DOCK7: variants seen among roughly 807,000 people sequenced by gnomAD.
DOCK7 encodes dedicator of cytokinesis 7.
DOCK7 carries 138 observed loss-of-function variants against 271.0 expected under a neutral mutation model. That is an observed-to-expected ratio of 0.51 (90% CI 0.44 to 0.59). The LOEUF is 0.59. DOCK7 is among the 20% of genes least tolerant of loss of function. The probability of loss-of-function intolerance (pLI) is 0.00; values close to 1 mark genes in which losing one functional copy is unlikely to be tolerated. For synonymous variants in DOCK7, 823 were observed against 876.1 expected, an observed-to-expected ratio of 0.94 and a Z score of 1.07; for missense variants, 2,066 against 2,592.4, an observed-to-expected ratio of 0.80 and a Z score of 4.41.
chr1:62,517,334 C>T (rs1423965226), intron 31 of DOCK7, among the ~76,000 whole-genome samples: 6 of 151,660 alleles, frequency 4.0e-5, no homozygotes, highest in African/African-American at 1.4e-4. Flanking sequence ...CAGTGGCTCA[C>T]GCCTGTATCC....
chr1:62,492,047 C>A (rs1646481930), intron 41 of DOCK7, among the ~76,000 whole-genome samples: 1 of 151,910 alleles, frequency 6.6e-6, no homozygotes, highest in Admixed American at 6.6e-5. Context: ...CCCATCCCTA[C>A]AAAAAATACA....
intron 14 of DOCK7, chr1:62,604,765 T>TA (rs1314562249): frequency 6.2e-7 from 1 of 1,613,090 alleles, no homozygotes; most frequent in Admixed American, 1.7e-5. Context: ...TTATACTCTA[T>TA]AAAATCAACC....
At chr1:62,615,095 C>T (rs1010491967) in intron 14 of DOCK7, among the ~76,000 whole-genome samples, 1 of 151,766 alleles carries the variant, frequency 6.6e-6, no homozygotes, top group Non-Finnish European at 1.5e-5. Context: ...CACATATAGT[C>T]GTACCATTTC....
intron 31 of DOCK7, among the ~76,000 whole-genome samples, chr1:62,517,589 C>T (rs1644703527): frequency 6.6e-6 from 1 of 152,098 alleles, no homozygotes; most frequent in South Asian, 2.1e-4. Flanking sequence ...GAGTGAAACT[C>T]TGTCTCAAAA....
chr1:62,481,337 G>C (rs2149269331), intron 43 of DOCK7: 1 of 152,256 alleles, frequency 6.6e-6, no homozygotes. Flanking sequence ...GTGGAGGAGA[G>C]AGCATCAGGG....
At chr1:62,538,629 C>T (rs1042376363) in intron 27 of DOCK7, among the ~76,000 whole-genome samples, 4 of 152,144 alleles carry the variant, frequency 2.6e-5, no homozygotes, top group African/African-American at 9.7e-5. Context: ...TGATACATAT[C>T]GTGTTGCAAG....
intron 10 of DOCK7, among the ~76,000 whole-genome samples, chr1:62,633,288 A>G (rs1302917968): frequency 6.6e-6 from 1 of 152,206 alleles, no homozygotes; most frequent in Non-Finnish European, 1.5e-5. Context: ...AACATATGAC[A>G]CAGGCTAGGT....
intron 31 of DOCK7, among the ~76,000 whole-genome samples, chr1:62,516,028 GA>G (rs962119347): frequency 3.3e-5 from 5 of 149,498 alleles, no homozygotes; most frequent in African/African-American, 4.9e-5. Flanking sequence ...CTTCCTTGAG[GA>G]AAAAAAAAGC....
At position 62,555,836 on chromosome 1, in the gene DOCK7, G is replaced by A; in HGVS notation, c.2585C>T (p.Ser862Leu). ...AAAGAATAAAATACCTGGTGATGAT[G>A]AATTAGGGTAAGTATTTGGTAGGCG... ...VFRLPNTYPN[S>L]SSPGPGGLGG... Residue 862 changes from serine (S) to leucine (L), a missense_variant, in exon 21 of 50, where the codon TCA (serine) becomes TTA (leucine). Ser to Leu is a moderately radical substitution (Grantham distance 145, BLOSUM62 -2). Around this residue, in one of 2 missense-constraint regions of DOCK7, gnomAD observed 1,414 missense variants for 1,670.4 expected, o/e 0.85. Transcript: ENST00000635253. The A allele has an allele frequency of 6.2e-7, 1 of 1,610,694 alleles. No homozygotes were observed. Among genetic ancestry groups the A allele is most frequent in the Non-Finnish European group, 8.5e-7 (1 of 1,178,780 alleles).
chr1:62,597,495 A>C lies in DOCK7; in HGVS notation c.1683-10871T>G, dbSNP rs1266567664. ...TCTGGGCAAATATTGGTATATATAGAGTTAAGAAGTCTAGGTCTGCTTCCA... is the reference window on the plus strand; with the variant it reads ...TCTGGGCAAATATTGGTATATATAGCGTTAAGAAGTCTAGGTCTGCTTCCA... On this transcript the variant is annotated intron_variant, in intron 14 of 49. Coordinates refer to ENST00000635253, the MANE Select transcript of DOCK7 (RefSeq NM_001367561.1). The C allele has an allele frequency of 2.4e-5, 37 of 1,530,082 alleles. No homozygotes were observed. The South Asian group carries it at 4.3e-4, about 18-fold the overall frequency. The allele number at this position is 1,530,082 out of a possible 1,614,324, so 94.8% of individuals were successfully genotyped here.
rs1333785699 is a variant in DOCK7, at chr1:62,494,328, A to G, written c.5164T>C (p.Leu1722=). 6.2e-7 allele frequency: 1 copy of G among 1,609,250 alleles called. No homozygotes were observed. The highest frequency in any genetic ancestry group is 8.5e-7 in the Non-Finnish European group (1 of 1,176,410). ...VHSAALVAEY[L]SMLEDRKYLP... The stretch of plus-strand genomic sequence containing the variant: ...TATTTCCGGTCCTCCAGCATGCTCA[A>G]ATATTCAGCAACAAGTGCTGCTGAG... The change falls in exon 40 of 50, where the codon TTG becomes CTG. Residue 1722 remains leucine (L), a synonymous_variant. Coordinates refer to ENST00000635253, the MANE Select transcript of DOCK7 (RefSeq NM_001367561.1).
At chr1:62,584,407 T>C in intron 15 of DOCK7, 1 of 989,438 alleles carries the variant, frequency 1.0e-6, no homozygotes, top group Non-Finnish European at 1.2e-6. Context: ...TAAACAGCCC[T>C]TTTTTTAAAA....
chr1:62,569,112 C>CA (rs368947484), intron 18 of DOCK7, among the ~76,000 whole-genome samples: 4 of 152,022 alleles, frequency 2.6e-5, no homozygotes, highest in African/African-American at 9.6e-5. Context: ...GCCTACCAAC[C>CA]AAAAAAGCCC....
chr1:62,569,415 A>T (rs970057608), intron 18 of DOCK7, among the ~76,000 whole-genome samples: 1 of 152,182 alleles, frequency 6.6e-6, no homozygotes, highest in African/African-American at 2.4e-5. Context: ...CAACCCCGAG[A>T]TGCAAGGCTG....
In DOCK7 at chr1:62,586,507, C is replaced by T. The variant is rs201404610; in HGVS notation, c.1800G>A (p.Pro600=). The change falls in exon 15 of 50, where the codon CCG becomes CCA. Residue 600 remains proline, a splice_region_variant and synonymous_variant. Transcript: ENST00000635253. ...AGAAAAGTAAAAGAACATTTCTTAC[C>T]GGCATGGCATTGCTTGGATCCTCTC... is the stretch of plus-strand genomic sequence containing the variant. ...MYGEDPSNAM[P]VIFGKSSCSE... is the part of the protein sequence containing the mutation. 1.6e-5 allele frequency: 25 copies of T among 1,581,508 alleles called. No individual in the cohort carries two copies. The highest frequency in any genetic ancestry group is 3.4e-5 in the South Asian group (3 of 87,296).
chr1:62,570,383 C>T (rs537608939), intron 18 of DOCK7, among the ~76,000 whole-genome samples: 1 of 152,290 alleles, frequency 6.6e-6, no homozygotes, highest in African/African-American at 2.4e-5. Context: ...CTACAAACCA[C>T]TGCTCAAGGA....
intron 43 of DOCK7, chr1:62,483,354 A>C (rs1646194997): frequency 6.6e-6 from 1 of 151,310 alleles, no homozygotes; most frequent in African/African-American, 2.4e-5. Flanking sequence ...TTTTCTTCTC[A>C]AAAGTAGCAT....
At chr1:62,683,747 C>A (rs1053277962) in intron 1 of DOCK7, among the ~76,000 whole-genome samples, 1 of 151,980 alleles carries the variant, frequency 6.6e-6, no homozygotes, top group East Asian at 1.9e-4. Context: ...CCAGCCTGGG[C>A]AACATGGCGA....
At chr1:62,617,094 CAAAA>C (rs562770955) in intron 14 of DOCK7, among the ~76,000 whole-genome samples, 1 of 99,074 alleles carries the variant, frequency 1.0e-5, no homozygotes, top group Admixed American at 1.1e-4. Context: ...GACTCTATTG[CAAAA>C]AAAAAAAAAA....
Sources: allele counts gnomAD v4.1 joint callset (sites outside exome capture counted in the v4.1 genomes callset), GRCh38; gene constraint gnomAD v4.1.1; regional missense constraint gnomAD v4.1.1; transcripts MANE v1.5; gene names NCBI Gene and HGNC (gene_info 2026-07-23, HGNC 2026-07-21).